LRRIQ3: variants seen among roughly 807,000 people sequenced by gnomAD.
The protein encoded by LRRIQ3 is leucine rich repeats and IQ motif containing 3.
LRRIQ3 carries 75 observed loss-of-function variants against 59.3 expected under a neutral mutation model. The ratio of observed to expected loss-of-function variants is 1.26; its 90% CI spans 1.05 to 1.53. The LOEUF (loss-of-function observed/expected upper bound fraction) is 1.53, where lower values mean the gene tolerates loss of function less well. Among genes scored for constraint, LRRIQ3 ranks in the 40% most tolerant of loss-of-function variants. The pLI is 0.00. For missense variants in LRRIQ3, 831 were observed against 710.0 expected, an observed-to-expected ratio of 1.17 and a Z score of -1.94; for synonymous variants, 250 against 231.3, an observed-to-expected ratio of 1.08 and a Z score of -0.73.
intron 3 of LRRIQ3, among the ~76,000 whole-genome samples, chr1:74,172,953 T>A (rs2100703197): frequency 6.6e-6 from 1 of 152,280 alleles, no homozygotes; most frequent in South Asian, 2.1e-4. Context: ...ATGTGAGGAT[T>A]TAAATCCAAG....
At chr1:74,140,331 T>C (rs1167013815) in intron 4 of LRRIQ3, among the ~76,000 whole-genome samples, 1 of 151,856 alleles carries the variant, frequency 6.6e-6, no homozygotes, top group Non-Finnish European at 1.5e-5. Flanking sequence ...TTGAGAGTCA[T>C]TTCATAAAGA....
intron 3 of LRRIQ3, among the ~76,000 whole-genome samples, chr1:74,163,128 AT>A (rs969824660): frequency 2.0e-5 from 3 of 151,642 alleles, no homozygotes; most frequent in South Asian, 4.1e-4. Context: ...ATATCAGTTA[AT>A]TTTTTTTAAA....
chr1:74,183,322 T>C, intron 2 of LRRIQ3, 114 bp downstream of exon 2: 3 of 943,570 alleles, frequency 3.2e-6, no homozygotes, highest in Non-Finnish European at 4.5e-6. Flanking sequence ...AATTTTTGTT[T>C]ATATTTTAGA....
intron 3 of LRRIQ3, among the ~76,000 whole-genome samples, chr1:74,168,133 T>C (rs1195978069): frequency 6.6e-6 from 1 of 152,022 alleles, no homozygotes; most frequent in African/African-American, 2.4e-5. Flanking sequence ...TCTATATATA[T>C]CCTAATTTCA....
intron 6 of LRRIQ3, among the ~76,000 whole-genome samples, chr1:74,055,409 G>A (rs1570038919): frequency 1.3e-5 from 2 of 151,754 alleles, no homozygotes; most frequent in East Asian, 3.9e-4. Context: ...ATCTCTATAG[G>A]TTTGTATTTT....
chr1:74,049,085 G>C (rs1013402224), intron 6 of LRRIQ3, among the ~76,000 whole-genome samples: 2 of 152,002 alleles, frequency 1.3e-5, no homozygotes, highest in Non-Finnish European at 2.9e-5. Flanking sequence ...CAAGCAAGGA[G>C]AAAAAATGAA....
At chr1:74,180,994 C>T in intron 3 of LRRIQ3, 1 of 556,526 alleles carries the variant, frequency 1.8e-6, no homozygotes. Flanking sequence ...ATTCTCTGTG[C>T]CTTTCCCTTG....
chr1:74,182,694 T>G lies in LRRIQ3; in HGVS notation c.417A>C (p.Gly139=). 1.9e-6 allele frequency: 3 copies of G among 1,612,766 alleles called. No individual in the cohort carries two copies. In the African/African-American group the frequency reaches 4.0e-5, roughly 22 times the overall value. Residue 139 remains glycine, a synonymous_variant, in exon 3 of 8, where the codon GGA becomes GGC. Coordinates refer to ENST00000354431, the MANE Select transcript of LRRIQ3 (RefSeq NM_001105659.2). The part of the protein sequence containing the change: ...MFDCPVSLKK[G]YRHVLVNSIW... ...TACTGTTAACAAGAACATGTCTATA[T>G]CCTTTTTTAAGGCTTACTGGACAAT...
intron 4 of LRRIQ3, among the ~76,000 whole-genome samples, chr1:74,115,722 C>T (rs1646768231): frequency 1.3e-5 from 2 of 152,030 alleles, no homozygotes; most frequent in African/African-American, 2.4e-5. Context: ...AGAATAAAGG[C>T]TAAAAAACAG....
At chr1:74,072,925 C>T (rs1195072076) in intron 6 of LRRIQ3, among the ~76,000 whole-genome samples, 1 of 151,956 alleles carries the variant, frequency 6.6e-6, no homozygotes, top group East Asian at 1.9e-4. Flanking sequence ...ATAAATATAA[C>T]AAAATATTGA....
chr1:74,170,615 T>C (rs1294049698), intron 3 of LRRIQ3, among the ~76,000 whole-genome samples: 1 of 152,140 alleles, frequency 6.6e-6, no homozygotes, highest in African/African-American at 2.4e-5. Flanking sequence ...TCCAGCTTTA[T>C]TTGGTTTTTG....
chr1:74,156,784 A>C (rs1172479660), intron 3 of LRRIQ3, among the ~76,000 whole-genome samples: 1 of 152,124 alleles, frequency 6.6e-6, no homozygotes, highest in Non-Finnish European at 1.5e-5. Context: ...TTTGAGAAAG[A>C]TCTCCTTTCC....
In LRRIQ3 at chr1:74,112,900, C is replaced by T. The variant is rs2100569105; in HGVS notation, c.708-3347G>A. Among the ~76,000 whole-genome samples, 3 of 152,014 alleles carry T rather than the reference C, an allele frequency of 2.0e-5. No homozygotes were observed. The East Asian group carries it at 5.8e-4, about 29-fold the overall frequency. ...ATTACCTAAAATGTCTAATTTTAAA[C>T]AAAATGTTATTAGGCAAAGAAACAC... On this transcript the variant is annotated intron_variant, in intron 4 of 7. Transcript: ENST00000354431.
intron 6 of LRRIQ3, among the ~76,000 whole-genome samples, chr1:74,071,044 CACAT>C (rs1353048766): frequency 1.3e-4 from 19 of 150,514 alleles, no homozygotes; most frequent in East Asian, 3.9e-4. Context: ...CACACACACA[CACAT>C]ACACACACAT....
At chr1:74,175,604 C>T (rs1649592519) in intron 3 of LRRIQ3, among the ~76,000 whole-genome samples, 1 of 152,108 alleles carries the variant, frequency 6.6e-6, no homozygotes, top group Non-Finnish European at 1.5e-5. Flanking sequence ...ACATTCTTCC[C>T]CAGATTTTGC....
At chr1:74,168,130 A>G (rs939436998) in intron 3 of LRRIQ3, among the ~76,000 whole-genome samples, 1 of 152,026 alleles carries the variant, frequency 6.6e-6, no homozygotes, top group African/African-American at 2.4e-5. Flanking sequence ...TTTTCTATAT[A>G]TATCCTAATT....
rs761719595 is a variant in LRRIQ3 at position 74,041,580 on chromosome 1, C to T, written c.1351G>A (p.Glu451Lys). 1.5e-5 allele frequency: 24 copies of T among 1,613,572 alleles called. No homozygotes were observed. The Admixed American group carries it at 3.2e-4, about 21-fold the overall frequency. The change falls in exon 7 of 8, where the codon GAA (glutamate) becomes AAA (lysine). Residue 451 changes from glutamate to lysine, a missense_variant. Physicochemically the swap from Glu to Lys is moderately conservative, Grantham distance 56. Transcript: ENST00000354431. ...RVVAMAQVAR[E>K]RVRVAVNEHL... is the part of the protein sequence containing the mutation. ...TCATTAACAGCTACTCTAACTCTTT[C>T]TCGAGCAACTTGTGCCATGGCTACA... is the stretch of plus-strand genomic sequence containing the variant.
chr1:74,088,786 A>C (rs930627237), intron 5 of LRRIQ3, among the ~76,000 whole-genome samples: 20 of 152,006 alleles, frequency 1.3e-4, no homozygotes, highest in African/African-American at 4.8e-4. Context: ...ATGACACAAA[A>C]AATAAAGGCA....
At chr1:74,110,640 C>T (rs1570131645) in intron 4 of LRRIQ3, among the ~76,000 whole-genome samples, 1 of 151,846 alleles carries the variant, frequency 6.6e-6, no homozygotes, top group East Asian at 1.9e-4. Flanking sequence ...CCATTATTAC[C>T]ATTATTATTC....
Sources: gnomAD v4.1 joint callset for allele counts (sites outside exome capture counted in the v4.1 genomes callset) on GRCh38, gnomAD v4.1.1 for gene constraint, MANE v1.5 for transcripts, NCBI Gene and HGNC (gene_info 2026-07-23, HGNC 2026-07-21) for gene names.